The following PARVA variants were observed in gnomAD, a reference collection of about 807,000 sequenced individuals.
The protein encoded by PARVA is alpha-parvin.
Under a neutral mutation model 52.6 loss-of-function variants are expected in PARVA, and 25 were observed. The observed-to-expected ratio is 0.48, with a 90% confidence interval of 0.35 to 0.66. The LOEUF is 0.66. Among genes scored for constraint, PARVA ranks in the 30% least tolerant of loss-of-function variants. PARVA has a pLI of 0.01. For missense variants in PARVA, 373 were observed against 450.9 expected, an observed-to-expected ratio of 0.83 and a Z score of 1.56; for synonymous variants, 185 against 179.1, an observed-to-expected ratio of 1.03 and a Z score of -0.26.
chr11:12,379,301 A>G (rs991652067), intron 1 of PARVA, among the ~76,000 whole-genome samples: 1 of 152,172 alleles, frequency 6.6e-6, no homozygotes, highest in African/African-American at 2.4e-5. Flanking sequence ...CCTTCTGGGA[A>G]TGCAGCCCAG....
chr11:12,504,417 G>T lies in PARVA; in HGVS notation c.645G>T (p.Val215=). ...IRLPDHVSIQ[V]VVVQKREGIL... is the part of the protein sequence containing the mutation. The stretch of plus-strand genomic sequence containing the variant: ...TCCCAGACCATGTTTCCATCCAAGT[G>T]GTTGTGGTCCAGGTAAGACAGGTAA... The change falls in exon 6 of 13, where the codon GTG becomes GTT. Residue 215 remains valine (V), a synonymous_variant. Transcript: ENST00000334956. 1.2e-6 allele frequency: 2 copies of T among 1,610,280 alleles called. No homozygotes were observed. The highest frequency in any genetic ancestry group is 1.1e-5 in the South Asian group (1 of 90,942).
Position 12,513,990 on chromosome 11 carries a change from C to G in PARVA, c.799-7C>G, listed in dbSNP as rs780817736. ...CCAGCTTAGGGCCTGCTTTGCTTCT[C>G]TTTTAGACACTCATCACTTTCGTGA... On this transcript the variant is annotated splice_region_variant and splice_polypyrimidine_tract_variant and intron_variant, in intron 9 of 12. Coordinates refer to ENST00000334956, the MANE Select transcript of PARVA (RefSeq NM_018222.5). The G allele has an allele frequency of 6.2e-7, 1 of 1,613,508 alleles. No homozygotes were observed. Among genetic ancestry groups the G allele is most frequent in the Non-Finnish European group, 8.5e-7 (1 of 1,179,466 alleles).
chr11:12,499,201 C>G (rs1941336027), intron 5 of PARVA, among the ~76,000 whole-genome samples: 1 of 152,150 alleles, frequency 6.6e-6, no homozygotes, highest in African/African-American at 2.4e-5. Flanking sequence ...GGCTAGCTCC[C>G]TGTGATGCCT....
intron 4 of PARVA, among the ~76,000 whole-genome samples, chr11:12,488,467 T>C (rs1028902525): frequency 6.6e-6 from 1 of 152,204 alleles, no homozygotes; most frequent in African/African-American, 2.4e-5. Flanking sequence ...TAACCTATCA[T>C]TCCTAATGGC....
At chr11:12,470,611 T>G (rs1589969893) in intron 1 of PARVA, among the ~76,000 whole-genome samples, 2 of 152,298 alleles carry the variant, frequency 1.3e-5, no homozygotes, top group Middle Eastern at 6.8e-3. Context: ...CTTACAAAAC[T>G]TACATTCTGG....
chr11:12,505,569 GACT>G (rs1366589240), intron 6 of PARVA, among the ~76,000 whole-genome samples: 1 of 152,200 alleles, frequency 6.6e-6, no homozygotes, highest in Non-Finnish European at 1.5e-5. Flanking sequence ...GAGGAGATAG[GACT>G]ACAAGTAAGA....
At chr11:12,385,798 A>C (rs892770062) in intron 1 of PARVA, among the ~76,000 whole-genome samples, 2 of 152,178 alleles carry the variant, frequency 1.3e-5, no homozygotes, top group Non-Finnish European at 2.9e-5. Flanking sequence ...TCAGCTATTG[A>C]AGGAAGCATG....
Position 12,377,642 on chromosome 11 carries a change from C to T in PARVA, c.-6C>T, listed in dbSNP as rs1220171354. ...CCGACCGGCCCGCGGCAGCCTGCGCCGCGCCATGGCCACCTCCCCGCAGAA... is the reference window on the plus strand; with the variant it reads ...CCGACCGGCCCGCGGCAGCCTGCGCTGCGCCATGGCCACCTCCCCGCAGAA... On this transcript the variant is annotated 5_prime_UTR_variant, in exon 1 of 13. Transcript: ENST00000334956. The T allele has an allele frequency of 1.9e-6, 3 of 1,567,860 alleles. No individual in the cohort carries two copies. Among genetic ancestry groups the T allele is most frequent in the Non-Finnish European group, 2.6e-6 (3 of 1,162,512 alleles).
intron 12 of PARVA, among the ~76,000 whole-genome samples, chr11:12,520,538 G>A (rs945083221): frequency 1.3e-5 from 2 of 152,198 alleles, no homozygotes; most frequent in African/African-American, 4.8e-5. Flanking sequence ...GTTGTGCCTT[G>A]AAATCCCCTA....
intron 1 of PARVA, among the ~76,000 whole-genome samples, chr11:12,393,133 T>C (rs572877667): frequency 6.6e-6 from 1 of 151,170 alleles, no homozygotes; most frequent in Non-Finnish European, 1.5e-5. Flanking sequence ...ACATTCTTGA[T>C]GATGTACCAT....
chr11:12,411,193 T>C (rs1201804840), intron 1 of PARVA, among the ~76,000 whole-genome samples: 7 of 152,230 alleles, frequency 4.6e-5, no homozygotes, highest in Non-Finnish European at 1.5e-5. Flanking sequence ...TAAAAACAGA[T>C]TTCACTTTTT....
intron 1 of PARVA, among the ~76,000 whole-genome samples, chr11:12,419,384 G>T (rs1940115457): frequency 6.7e-6 from 1 of 150,168 alleles, no homozygotes; most frequent in Non-Finnish European, 1.5e-5. Flanking sequence ...GCCTTTTTAT[G>T]ACTGACTTAC....
chr11:12,502,835 A>C (rs1429898805), intron 5 of PARVA, among the ~76,000 whole-genome samples: 1 of 152,014 alleles, frequency 6.6e-6, no homozygotes, highest in African/African-American at 2.4e-5. Context: ...GCTTTTGGGG[A>C]ATCTTTACAA....
intron 3 of PARVA, among the ~76,000 whole-genome samples, chr11:12,476,881 G>A (rs1941021248): frequency 6.6e-6 from 1 of 152,150 alleles, no homozygotes; most frequent in Non-Finnish European, 1.5e-5. Flanking sequence ...CTTATGCTAA[G>A]GCAAAGACGT....
rs1941779097 is a variant in PARVA, at chr11:12,532,109, T to G, written c.*4184T>G. Among the ~76,000 whole-genome samples, 1 of 152,196 alleles carries G rather than the reference T, an allele frequency of 6.6e-6. No homozygotes were observed. Among genetic ancestry groups the G allele is most frequent in the Admixed American group, 6.5e-5 (1 of 15,272 alleles). On this transcript the variant is annotated 3_prime_UTR_variant, in exon 13 of 13. Transcript: ENST00000334956. The stretch of plus-strand genomic sequence containing the variant: ...CATATGTGAACGTGTGCATGCGTGT[T>G]CACGTGTTCATGACAACAGCAATGC...
rs912411466 is a variant in PARVA at position 12,530,973 on chromosome 11, T to C, written c.*3048T>C. Among the ~76,000 whole-genome samples the C allele has an allele frequency of 2.6e-5, 4 of 152,216 alleles. No individual in the cohort carries two copies. Among genetic ancestry groups the C allele is most frequent in the Admixed American group, 6.5e-5 (1 of 15,288 alleles). Reference sequence around the variant, plus strand: ...GGGCACATTATCAGAGGCATCCTCATGTGCCTCGAACCGAATGTTTTTAAG... The same window carrying C: ...GGGCACATTATCAGAGGCATCCTCACGTGCCTCGAACCGAATGTTTTTAAG... On this transcript the variant is annotated 3_prime_UTR_variant, in exon 13 of 13. Transcript: ENST00000334956.
intron 2 of PARVA, 28 bp from the exon 3 acceptor site, chr11:12,473,883 ACC>A: frequency 1.3e-6 from 2 of 1,563,902 alleles, no homozygotes; most frequent in Non-Finnish European, 1.7e-6. Flanking sequence ...CCATGCCAGC[ACC>A]CCCACTGAAT....
At chr11:12,398,767 T>C (rs898357503) in intron 1 of PARVA, among the ~76,000 whole-genome samples, 10 of 152,090 alleles carry the variant, frequency 6.6e-5, no homozygotes, top group African/African-American at 2.4e-4. Context: ...ACCAGGCTCA[T>C]ATAAAGCACT....
intron 1 of PARVA, among the ~76,000 whole-genome samples, chr11:12,378,187 C>A (rs887897980): frequency 6.6e-6 from 1 of 152,130 alleles, no homozygotes; most frequent in Non-Finnish European, 1.5e-5. Flanking sequence ...CTGGCATTTC[C>A]CAAGTTTCCG....
Sources: allele counts gnomAD v4.1 joint callset (sites outside exome capture counted in the v4.1 genomes callset), GRCh38; gene constraint gnomAD v4.1.1; transcripts MANE v1.5; gene names NCBI Gene and HGNC (gene_info 2026-07-23, HGNC 2026-07-21).